The following SCHIP1 variants were observed in gnomAD, a reference collection of about 807,000 sequenced individuals.
SCHIP1 encodes schwannomin interacting protein 1.
SCHIP1 carries 8 observed loss-of-function variants against 29.7 expected under a neutral mutation model. That is an observed-to-expected ratio of 0.27 (90% CI 0.16 to 0.49). The LOEUF (loss-of-function observed/expected upper bound fraction) is 0.49. SCHIP1 is among the 20% of genes least tolerant of loss of function. The probability of loss-of-function intolerance (pLI) is 0.99; values close to 1 mark genes in which losing one functional copy is unlikely to be tolerated. For synonymous variants in SCHIP1, 76 were observed against 94.9 expected, an observed-to-expected ratio of 0.80 and a Z score of 1.16; for missense variants, 193 against 294.6, an observed-to-expected ratio of 0.66 and a Z score of 2.52.
chr3:159,599,192 G>T, the SCHIP1 span, among the ~76,000 whole-genome samples: 1 of 152,040 alleles, frequency 6.6e-6, no homozygotes, highest in South Asian at 2.1e-4. Context: ...TACATTCAAG[G>T]TTATTATTGA....
the SCHIP1 span, among the ~76,000 whole-genome samples, chr3:159,321,353 C>T: frequency 6.6e-6 from 1 of 152,172 alleles, no homozygotes; most frequent in Non-Finnish European, 1.5e-5. Flanking sequence ...TCTGCAATGA[C>T]AAAATCTCTG....
At chr3:159,677,026 G>C in the SCHIP1 span, among the ~76,000 whole-genome samples, 1 of 152,060 alleles carries the variant, frequency 6.6e-6, no homozygotes, top group Non-Finnish European at 1.5e-5. Context: ...TAAAGGTCAC[G>C]TGTTTTACAG....
At chr3:159,374,319 G>T in the SCHIP1 span, among the ~76,000 whole-genome samples, 1 of 152,066 alleles carries the variant, frequency 6.6e-6, no homozygotes, top group Admixed American at 6.6e-5. Flanking sequence ...AAGCAGGAAG[G>T]GTAGAGGAGG....
the SCHIP1 span, among the ~76,000 whole-genome samples, chr3:159,633,369 G>A: frequency 1.4e-4 from 21 of 152,192 alleles, no homozygotes; most frequent in Non-Finnish European, 2.5e-4. Context: ...AAAAGCACAC[G>A]TCTCCAAATT....
chr3:159,366,186 AG>A, the SCHIP1 span, among the ~76,000 whole-genome samples: 1 of 152,088 alleles, frequency 6.6e-6, no homozygotes, highest in Non-Finnish European at 1.5e-5. Context: ...AGAGAAAGAG[AG>A]TGGGCTGGGA....
chr3:159,837,617 G>A (rs1301077849), upstream of SCHIP1, among the ~76,000 whole-genome samples: 3 of 152,084 alleles, frequency 2.0e-5, no homozygotes, highest in South Asian at 2.1e-4. Context: ...CGGCTACTCC[G>A]GGGGCTGAGG....
chr3:159,320,242 G>C, the SCHIP1 span, among the ~76,000 whole-genome samples: 10 of 152,080 alleles, frequency 6.6e-5, no homozygotes, highest in Non-Finnish European at 1.5e-4. Flanking sequence ...AACTGATAGA[G>C]ACTGAAAAAA....
chr3:159,503,007 G>T, the SCHIP1 span, among the ~76,000 whole-genome samples: 1 of 152,174 alleles, frequency 6.6e-6, no homozygotes, highest in Non-Finnish European at 1.5e-5. Context: ...TCAGATAAGT[G>T]ATGCCTTCTC....
At chr3:159,291,201 G>A in the SCHIP1 span, among the ~76,000 whole-genome samples, 1 of 151,868 alleles carries the variant, frequency 6.6e-6, no homozygotes, top group Non-Finnish European at 1.5e-5. Context: ...GAGAATATTT[G>A]GGCATAAAAA....
At chr3:159,432,458 T>C in the SCHIP1 span, among the ~76,000 whole-genome samples, 1 of 152,070 alleles carries the variant, frequency 6.6e-6, no homozygotes, top group African/African-American at 2.4e-5. Flanking sequence ...TTCTACTGCA[T>C]TCTGTTAGTT....
chr3:159,643,800 T>C, the SCHIP1 span, among the ~76,000 whole-genome samples: 1 of 152,106 alleles, frequency 6.6e-6, no homozygotes, highest in Non-Finnish European at 1.5e-5. Context: ...TAATGCATAA[T>C]GAACCTGGCC....
the SCHIP1 span, among the ~76,000 whole-genome samples, chr3:159,621,087 G>A: frequency 9.2e-5 from 14 of 152,208 alleles, no homozygotes; most frequent in Admixed American, 9.2e-4. Context: ...TGATGGGAAG[G>A]AAATCAGCGG....
the SCHIP1 span, among the ~76,000 whole-genome samples, chr3:159,755,041 C>T: frequency 6.6e-6 from 1 of 152,188 alleles, no homozygotes; most frequent in Non-Finnish European, 1.5e-5. Context: ...CGAGACCATC[C>T]TGGCTAACAC....
chr3:159,464,759 T>G, the SCHIP1 span, among the ~76,000 whole-genome samples: 1 of 152,190 alleles, frequency 6.6e-6, no homozygotes, highest in Non-Finnish European at 1.5e-5. Flanking sequence ...GTGTATTGAT[T>G]TTCATTTATC....
the SCHIP1 span, among the ~76,000 whole-genome samples, chr3:159,528,951 G>T: frequency 6.6e-6 from 1 of 152,050 alleles, no homozygotes; most frequent in Non-Finnish European, 1.5e-5. Flanking sequence ...TATACATTTG[G>T]GGTAGATCAC....
At chr3:159,412,223 T>C in the SCHIP1 span, among the ~76,000 whole-genome samples, 1 of 152,188 alleles carries the variant, frequency 6.6e-6, no homozygotes, top group Admixed American at 6.5e-5. Flanking sequence ...AAGTCCATGC[T>C]CTTAATCACT....
chr3:159,645,382 A>C, the SCHIP1 span, among the ~76,000 whole-genome samples: 1 of 152,192 alleles, frequency 6.6e-6, no homozygotes, highest in Non-Finnish European at 1.5e-5. Context: ...CGACTCCTGC[A>C]AGAACAGTGG....
At chr3:159,465,401 A>G in the SCHIP1 span, among the ~76,000 whole-genome samples, 1 of 151,790 alleles carries the variant, frequency 6.6e-6, no homozygotes, top group African/African-American at 2.4e-5. Context: ...GAGACCATTT[A>G]TTTTAATCTA....
At chr3:159,664,764 G>A in the SCHIP1 span, among the ~76,000 whole-genome samples, 3 of 152,206 alleles carry the variant, frequency 2.0e-5, no homozygotes, top group Admixed American at 6.5e-5. Context: ...AAAGGCAGGA[G>A]GCAAGAACTG....
Sources: gnomAD v4.1 joint callset for allele counts (sites outside exome capture counted in the v4.1 genomes callset) on GRCh38, gnomAD v4.1.1 for gene constraint, MANE v1.5 for transcripts, NCBI Gene and HGNC (gene_info 2026-07-23, HGNC 2026-07-21) for gene names.